Variants in VPS13D observed in about 807,000 individuals in gnomAD.
VPS13D encodes the protein intermembrane lipid transfer protein VPS13D.
VPS13D carries 187 observed loss-of-function variants against 461.9 expected under a neutral mutation model. The observed-to-expected ratio is 0.40, with a 90% CI of 0.36 to 0.46. The LOEUF is 0.46. Ranked by LOEUF, VPS13D falls within the 20% of genes least tolerant of loss-of-function variation. The pLI is 0.60. For missense variants in VPS13D, 4,711 were observed against 5,364.9 expected (o/e 0.88, Z 3.81); for synonymous variants, 1,951 against 1,986.3 (o/e 0.98, Z 0.47).
chr1:12,235,445 G>T (rs1569617860), intron 2 of VPS13D, among the ~76,000 whole-genome samples: 2 of 152,016 alleles, frequency 1.3e-5, no homozygotes, highest in South Asian at 4.1e-4. Context: ...GTGTGGTGGC[G>T]GGTGCCTGTA....
rs764958766 is a variant in VPS13D at position 12,354,086 on chromosome 1, C to T, written c.9544C>T (p.Pro3182Ser). 3 of 1,614,122 alleles carry T rather than the reference C, an allele frequency of 1.9e-6. No individual in the cohort carries two copies. The highest frequency in any genetic ancestry group is 1.7e-6 in the Non-Finnish European group (2 of 1,180,024). ...GCCTGGGCATACCATATATCTCCTG[C>T]CAACTGTGGTAATCTGCAACTTGCT... ...RQPGHTIYLLPTVVICNLLPC... is the reference protein window; with the variant it reads ...RQPGHTIYLLSTVVICNLLPC... Residue 3182 changes from proline (P) to serine (S), a missense_variant, in exon 47 of 70, where the codon CCA becomes TCA. By Grantham distance (74) the Pro-to-Ser change is moderately conservative. Around this residue, in one of 3 missense-constraint regions of VPS13D, gnomAD observed 4,411 missense variants for 4,937.8 expected, o/e 0.89. Coordinates refer to ENST00000620676, the MANE Select transcript of VPS13D (RefSeq NM_015378.4).
intron 29 of VPS13D, among the ~76,000 whole-genome samples, chr1:12,313,691 C>T (rs6685273): frequency 0.057 from 8,628 of 152,214 alleles, 350 homozygotes; most frequent in Non-Finnish European, 0.092. Context: ...AGCAGTTTCA[C>T]ATAAACAGTT....
chr1:12,323,583 G>T, intron 34 of VPS13D, 123 bp from the exon 35 acceptor site: 2 of 892,970 alleles, frequency 2.2e-6, no homozygotes, highest in Non-Finnish European at 3.4e-6. Context: ...GTCCAGTTTT[G>T]CTTAGAGAAA....
rs747072731 is a variant in VPS13D, at chr1:12,409,126, T to TG, written c.12030+5153_12030+5154insG. 9.2e-5 allele frequency among the ~76,000 whole-genome samples: 14 copies of TG among 152,270 alleles called. No individual in the cohort carries two copies. In the South Asian group the frequency reaches 1.9e-3, roughly 20 times the overall value. On this transcript the variant is annotated intron_variant, in intron 63 of 69. Coordinates refer to ENST00000620676, the MANE Select transcript of VPS13D (RefSeq NM_015378.4). ...TTGTGTTTAATTATACAAGAGCTGT[T>TG]TATTTTTATGTTGTCAAATTTATTA...
At chr1:12,353,532 C>CAAA (rs79787458) in intron 46 of VPS13D, among the ~76,000 whole-genome samples, 1,032 of 36,202 alleles carry the variant, frequency 0.029, 39 homozygotes, top group Admixed American at 0.078. Flanking sequence ...GACTGCATCT[C>CAAA]AAAAAAAAAA....
chr1:12,386,203 G>A lies in VPS13D; in HGVS notation c.11503G>A (p.Gly3835Ser). 6.2e-7 allele frequency: 1 copy of A among 1,611,784 alleles called. No homozygotes were observed. Among genetic ancestry groups the A allele is most frequent in the Non-Finnish European group, 8.5e-7 (1 of 1,179,072 alleles). Residue 3835 changes from glycine to serine, a missense_variant, in exon 60 of 70, where the codon GGT becomes AGT. Physicochemically the swap from Gly to Ser is moderately conservative, Grantham distance 56. This residue lies in a region of VPS13D where 4,411 missense variants were observed against 4,937.8 expected (regional missense o/e 0.89). Coordinates refer to ENST00000620676, the MANE Select transcript of VPS13D (RefSeq NM_015378.4). ...CTTTCAGGTGCTTGTGAGGTTAGAAGGTGGAATTGGGTTGTCCTTAATTAA... is the reference window on the plus strand; with the variant it reads ...CTTTCAGGTGCTTGTGAGGTTAGAAAGTGGAATTGGGTTGTCCTTAATTAA... Reference protein sequence around the residue: ...QELEVLVRLEGGIGLSLINKV... With the variant: ...QELEVLVRLESGIGLSLINKV...
rs1345242691 is a variant in VPS13D at position 12,308,714 on chromosome 1, A to G, written c.6650+73A>G. 1.9e-5 allele frequency: 27 copies of G among 1,449,106 alleles called. No homozygotes were observed. The South Asian group carries it at 3.0e-4, about 16-fold the overall frequency. 89.8% of individuals were successfully genotyped at this position (1,449,106 alleles called of 1,614,324 possible). On this transcript the variant is annotated intron_variant, in intron 27 of 69. Coordinates refer to ENST00000620676, the MANE Select transcript of VPS13D (RefSeq NM_015378.4). ...AGGCAGGGTGGAGTGCAGTGGCGCA[A>G]TCTTGGCTCACTGCAACCTCCACCT...
intron 65 of VPS13D, among the ~76,000 whole-genome samples, chr1:12,423,347 A>G (rs951307225): frequency 6.6e-6 from 1 of 152,190 alleles, no homozygotes; most frequent in African/African-American, 2.4e-5. Flanking sequence ...TCACTTAACT[A>G]CAAGATTTAT....
chr1:12,248,520 T>G (rs1003077814), intron 5 of VPS13D, among the ~76,000 whole-genome samples: 2 of 151,978 alleles, frequency 1.3e-5, no homozygotes, highest in African/African-American at 4.8e-5. Flanking sequence ...TTAAAAAAAA[T>G]TTTTAGTAGA....
chr1:12,491,641 G>A (rs1330958352), intron 67 of VPS13D, among the ~76,000 whole-genome samples: 1 of 152,160 alleles, frequency 6.6e-6, no homozygotes, highest in Non-Finnish European at 1.5e-5. Flanking sequence ...CCAGATGCAG[G>A]CACACTCTGT....
rs373763503 is a variant in VPS13D, at chr1:12,435,101, T to C, written c.12333+18274T>C. On this transcript the variant is annotated intron_variant, in intron 65 of 69. Transcript: ENST00000620676. ...AAATGTTAATTACATTTATCTTTAT[T>C]TCTCAGCATTGCTATACAGAAAACA... 2.6e-4 allele frequency among the ~76,000 whole-genome samples: 40 copies of C among 152,340 alleles called. 3 individuals are homozygous for C. Among genetic ancestry groups the C allele is most frequent in the Admixed American group, 2.0e-3 (31 of 15,308 alleles).
intron 66 of VPS13D, among the ~76,000 whole-genome samples, chr1:12,459,138 C>A (rs1382386750): frequency 6.6e-6 from 1 of 152,214 alleles, no homozygotes; most frequent in Non-Finnish European, 1.5e-5. Flanking sequence ...TCCACAGATT[C>A]AGCCAACCAT....
chr1:12,373,981 C>T (rs887361371), intron 55 of VPS13D, 123 bp downstream of exon 55: 45 of 610,530 alleles, frequency 7.4e-5, no homozygotes, highest in African/African-American at 2.8e-4. Context: ...GGAACCCAGG[C>T]CTCTTGGCAT....
intron 68 of VPS13D, among the ~76,000 whole-genome samples, chr1:12,503,927 A>G (rs75498616): frequency 0.037 from 5,693 of 152,214 alleles, 198 homozygotes; most frequent in Admixed American, 0.11. Context: ...AGGCCAGGGA[A>G]GGGGAATTAC....
chr1:12,378,155 A>C (rs1490935311), intron 55 of VPS13D, among the ~76,000 whole-genome samples: 1 of 152,214 alleles, frequency 6.6e-6, no homozygotes, highest in African/African-American at 2.4e-5. Context: ...AAAAGGAAAA[A>C]AACTCGGTTA....
intron 60 of VPS13D, among the ~76,000 whole-genome samples, chr1:12,396,557 CAGA>C (rs1644501842): frequency 6.6e-6 from 1 of 151,456 alleles, no homozygotes; most frequent in Non-Finnish European, 1.5e-5. Context: ...TAGACATTTC[CAGA>C]AGAAGAATCC....
At chr1:12,370,116 T>G (rs1346318483) in intron 54 of VPS13D, among the ~76,000 whole-genome samples, 1 of 152,228 alleles carries the variant, frequency 6.6e-6, no homozygotes, top group Non-Finnish European at 1.5e-5. Context: ...TGTCTTAATA[T>G]TCACCTAAAG....
In VPS13D at chr1:12,341,901, A is replaced by C. The variant is rs200264607; in HGVS notation, c.8732+16A>C. On this transcript the variant is annotated intron_variant, in intron 41 of 69. Transcript: ENST00000620676. ...CACCCACCAGGTAAGCAGTCAGTTT[A>C]TATTACCCCGAGTCATCTCTGCCAC... The C allele has an allele frequency of 1.2e-4, 201 of 1,612,342 alleles. 1 individual carries two copies. The highest frequency in any genetic ancestry group is 9.9e-4 in the Middle Eastern group (6 of 6,058).
chr1:12,346,846 G>C (rs1329663290), intron 44 of VPS13D, among the ~76,000 whole-genome samples, 194 bp downstream of exon 44: 1 of 152,096 alleles, frequency 6.6e-6, no homozygotes, highest in Non-Finnish European at 1.5e-5. Flanking sequence ...ACCTAGCTTG[G>C]TGTGTGAGAC....
Sources: gnomAD v4.1 joint callset for allele counts (sites outside exome capture counted in the v4.1 genomes callset) on GRCh38, gnomAD v4.1.1 for gene constraint, gnomAD v4.1.1 regional missense constraint, MANE v1.5 for transcripts, NCBI Gene and HGNC (gene_info 2026-07-23, HGNC 2026-07-21) for gene names.